Variants in MID2 observed in about 807,000 individuals in gnomAD.
The protein encoded by MID2 is probable E3 ubiquitin-protein ligase MID2.
Under a neutral mutation model 46.1 loss-of-function variants are expected in MID2, and 13 were observed. That is an observed-to-expected ratio of 0.28 (90% CI 0.18 to 0.45). The LOEUF (loss-of-function observed/expected upper bound fraction) is 0.45. Ranked by LOEUF, MID2 falls within the 20% of genes least tolerant of loss-of-function variation. The pLI, the probability that MID2 is intolerant of heterozygous loss-of-function variation, is 1.00. For missense variants in MID2, 431 were observed against 575.4 expected (o/e 0.75, Z 2.57); for synonymous variants, 199 against 212.3 (o/e 0.94, Z 0.55).
intron 3 of MID2, among the ~76,000 whole-genome samples, chrX:107,862,194 G>A (rs958805564): frequency 5.4e-5 from 6 of 111,465 alleles, no homozygotes; most frequent in Non-Finnish European, 7.5e-5. Flanking sequence ...AGAGGAAGAG[G>A]AGGTGTAATA....
chrX:107,895,160 C>T (rs1037315141), intron 3 of MID2: 1 of 107,837 alleles, frequency 9.3e-6, no homozygotes. Context: ...TTCTATTGAG[C>T]AAACTATAGA....
intron 1 of MID2, among the ~76,000 whole-genome samples, chrX:107,829,358 C>T (rs1429713091): frequency 8.9e-6 from 1 of 112,005 alleles, no homozygotes; most frequent in Non-Finnish European, 1.9e-5. Flanking sequence ...TGAATGAAAA[C>T]ATACATGCAA....
chrX:107,826,520 C>A, intron 1 of MID2, 90 bp downstream of exon 1: 15 of 1,021,590 alleles, frequency 1.5e-5, no homozygotes, highest in Non-Finnish European at 1.9e-5. Context: ...TTTCAGGTGC[C>A]GCCGGGGCCC....
At chrX:107,886,166 C>G (rs1932447845) in intron 3 of MID2, among the ~76,000 whole-genome samples, 1 of 111,652 alleles carries the variant, frequency 9.0e-6, no homozygotes, top group Non-Finnish European at 1.9e-5. Flanking sequence ...GTTGCCATTG[C>G]TTTTGGTGTT....
rs766907409 is a variant in MID2, at chrX:107,926,073, T to G, written c.1598-21T>G. The G allele has an allele frequency of 2.7e-6, 3 of 1,131,707 alleles. No individual in the cohort carries two copies. In the Admixed American group the frequency reaches 7.9e-5, roughly 30 times the overall value. The allele number at this position is 1,131,707 out of a possible 1,213,427, so 93.3% of individuals were successfully genotyped here. A position where few individuals can be genotyped will look rare whatever the true frequency, so the allele number is the denominator to read the frequency against. ...TACTTCATAGTGCTTTTTCTTTTTT[T>G]TTTTTCTACTTATTTTTCAGGCCAA... is the stretch of plus-strand genomic sequence containing the variant. On this transcript the variant is annotated intron_variant, in intron 8 of 9. Transcript: ENST00000262843.
At chrX:107,884,154 G>A (rs1471460331) in intron 3 of MID2, among the ~76,000 whole-genome samples, 2 of 111,933 alleles carry the variant, frequency 1.8e-5, no homozygotes, top group Admixed American at 9.5e-5. Flanking sequence ...ATATCCTGGA[G>A]TTTATCAGTT....
chrX:107,832,540 GT>G (rs1203310297), intron 1 of MID2, among the ~76,000 whole-genome samples: 6 of 111,318 alleles, frequency 5.4e-5, no homozygotes, highest in Non-Finnish European at 1.1e-4. Flanking sequence ...ACAATAGCCC[GT>G]GAGATGGGCA....
intron 3 of MID2, among the ~76,000 whole-genome samples, chrX:107,861,217 T>C (rs186896352): frequency 8.9e-6 from 1 of 111,992 alleles, no homozygotes; most frequent in African/African-American, 3.2e-5. Context: ...GATGAGTCAA[T>C]TGGAGCAGAA....
In MID2 at chrX:107,913,984, A is replaced by G. The variant is rs1932928443; in HGVS notation, c.1074-2018A>G. 1.8e-5 allele frequency among the ~76,000 whole-genome samples: 2 copies of G among 112,351 alleles called. 1 individual carries two copies. Among genetic ancestry groups the G allele is most frequent in the Admixed American group, 1.9e-4 (2 of 10,607 alleles). On this transcript the variant is annotated intron_variant, in intron 5 of 9. Coordinates refer to ENST00000262843, the MANE Select transcript of MID2 (RefSeq NM_012216.4). ...AGAGAGAACACACACACATCCACAT[A>G]GTCTTTGCTTAGTTAACTCTTACTC...
rs769359129 is a variant in MID2 at position 107,924,512 on chromosome X, G to T, written c.1597+8G>T. The T allele has an allele frequency of 8.3e-7, 1 of 1,210,177 alleles. No individual in the cohort carries two copies. Among genetic ancestry groups the T allele is most frequent in the African/African-American group, 1.7e-5 (1 of 57,819 alleles). On this transcript the variant is annotated splice_region_variant and intron_variant, in intron 8 of 9. Coordinates refer to ENST00000262843, the MANE Select transcript of MID2 (RefSeq NM_012216.4). ...CCCGACTAAAAACAAACAGTACGTT[G>T]TGGTGATTTCAAAAGGAAAGATCAA...
intron 3 of MID2, among the ~76,000 whole-genome samples, chrX:107,867,831 G>T (rs1207363237): frequency 9.0e-6 from 1 of 111,621 alleles, no homozygotes; most frequent in Non-Finnish European, 1.9e-5. Context: ...CATTAGAGAA[G>T]AATCAGATTT....
chrX:107,925,038 A>G (rs916582777), intron 8 of MID2, among the ~76,000 whole-genome samples: 2 of 112,575 alleles, frequency 1.8e-5, no homozygotes, highest in Non-Finnish European at 3.8e-5. Flanking sequence ...CCCTGTGTGC[A>G]TTGGCTTCTT....
intron 1 of MID2, among the ~76,000 whole-genome samples, chrX:107,835,216 T>G (rs759711620): frequency 8.9e-6 from 1 of 112,499 alleles, no homozygotes; most frequent in East Asian, 2.8e-4. Flanking sequence ...ACTTCATTCC[T>G]TTTTATAGCC....
In MID2 at chrX:107,861,743, A is replaced by G. The variant is rs142409512; in HGVS notation, c.816+7039A>G. Among the ~76,000 whole-genome samples the G allele has an allele frequency of 7.6e-3, 855 of 112,592 alleles. 11 individuals carry two copies. Among genetic ancestry groups the G allele is most frequent in the African/African-American group, 0.026 (807 of 31,007 alleles). On this transcript the variant is annotated intron_variant, in intron 3 of 9. Transcript: ENST00000262843. ...AAGAGCAGAAAAGTCAGACTCATAAATGCTCTGTTTGTGTATTATTCTGCT... is the reference window on the plus strand; with the variant it reads ...AAGAGCAGAAAAGTCAGACTCATAAGTGCTCTGTTTGTGTATTATTCTGCT...
intron 3 of MID2, 127 bp downstream of exon 3, chrX:107,854,831 G>A (rs1268344150): frequency 2.1e-6 from 1 of 475,416 alleles, no homozygotes; most frequent in Non-Finnish European, 3.6e-6. Context: ...GTTTTAGAAA[G>A]TCTCATTCCT....
chrX:107,826,501 C>T (rs1930949411), intron 1 of MID2, 71 bp downstream of exon 1: 1 of 1,084,526 alleles, frequency 9.2e-7, no homozygotes, highest in East Asian at 4.0e-5. Context: ...GTCTCCGGCT[C>T]CGGCCGCTTT....
intron 3 of MID2, among the ~76,000 whole-genome samples, chrX:107,870,967 T>C (rs1434397475): frequency 9.0e-6 from 1 of 110,906 alleles, no homozygotes; most frequent in Non-Finnish European, 1.9e-5. Context: ...ATTTTATTAG[T>C]TTGAGCTTTT....
At position 107,916,122 on chromosome X, in the gene MID2, T is replaced by C; in HGVS notation, c.1194T>C (p.Tyr398=). The part of the protein sequence containing the change: ...REKKLLEGLD[Y]LTAPNPPSIR... Reference sequence around the variant, plus strand: ...AGAAACTGCTAGAGGGGTTAGATTATTTAACAGGTGTGAAAATACTGTGCT... The same window carrying C: ...AGAAACTGCTAGAGGGGTTAGATTACTTAACAGGTGTGAAAATACTGTGCT... The change falls in exon 6 of 10, where the codon TAT becomes TAC. Residue 398 remains tyrosine (Y), a synonymous_variant. Coordinates refer to ENST00000262843, the MANE Select transcript of MID2 (RefSeq NM_012216.4). The C allele has an allele frequency of 3.4e-6, 4 of 1,182,365 alleles. No homozygotes were observed. Among genetic ancestry groups the C allele is most frequent in the Non-Finnish European group, 4.5e-6 (4 of 883,513 alleles).
At chrX:107,913,746 G>T (rs1932924408) in intron 5 of MID2, among the ~76,000 whole-genome samples, 1 of 111,468 alleles carries the variant, frequency 9.0e-6, no homozygotes, top group Admixed American at 9.5e-5. Context: ...CTTATTCCAA[G>T]ACACTTTAAA....
Sources: allele counts gnomAD v4.1 joint callset (sites outside exome capture counted in the v4.1 genomes callset), GRCh38; gene constraint gnomAD v4.1.1; transcripts MANE v1.5; gene names NCBI Gene and HGNC (gene_info 2026-07-23, HGNC 2026-07-21).